Variants in PLXNA2 observed in about 807,000 individuals in gnomAD.
The protein encoded by PLXNA2 is plexin A2.
In PLXNA2, 91 loss-of-function variants were observed where a neutral mutation model predicts 193.5. The ratio of observed to expected loss-of-function variants is 0.47; its 90% CI spans 0.40 to 0.56. The LOEUF is 0.56. PLXNA2 is among the 20% of genes least tolerant of loss of function. PLXNA2 has a pLI of 0.00. For synonymous variants in PLXNA2, 997 were observed against 1,027.3 expected, an observed-to-expected ratio of 0.97 and a Z score of 0.56; for missense variants, 1,995 against 2,503.2, an observed-to-expected ratio of 0.80 and a Z score of 4.33.
rs75752096 is a variant in PLXNA2, at chr1:208,209,901, C to T, written c.1371+379G>A. ...ACCAGTATAATCAAGTTTACAGGTT[C>T]TAGGGAGGGATTTGCGATTTTGGAG... is the stretch of plus-strand genomic sequence containing the variant. On this transcript the variant is annotated intron_variant, in intron 3 of 31. Transcript: ENST00000367033. 2.3e-4 allele frequency: 60 copies of T among 256,612 alleles called. No homozygotes were observed. In the East Asian group the frequency reaches 5.5e-3, roughly 23 times the overall value. 15.9% of individuals were successfully genotyped at this position (256,612 alleles called of 1,614,324 possible).
intron 1 of PLXNA2, chr1:208,230,206 C>T (rs775920914): frequency 3.3e-5 from 5 of 152,152 alleles, no homozygotes; most frequent in Admixed American, 2.0e-4. Flanking sequence ...TGACAAACTC[C>T]GAGGGTTCTG....
chr1:208,028,782 A>C lies in PLXNA2; in HGVS notation c.5438+48T>G. On this transcript the variant is annotated intron_variant, in intron 30 of 31. Coordinates refer to ENST00000367033, the MANE Select transcript of PLXNA2 (RefSeq NM_025179.4). This position sits in a 1 kb window ranked among gnomAD's most constrained non-coding sequence, Gnocchi z 4.2. ...GTCAGTGATGACTATAGAGCGGGGA[A>C]TGGGCAGGGAGACAAGGGCATGGGC... The C allele has an allele frequency of 1.3e-6, 2 of 1,532,176 alleles. No individual in the cohort carries two copies. The highest frequency in any genetic ancestry group is 9.0e-7 in the Non-Finnish European group (1 of 1,113,780). The allele number at this position is 1,532,176 out of a possible 1,614,324, so 94.9% of individuals were successfully genotyped here. A position where few individuals can be genotyped will look rare whatever the true frequency, so the allele number is the denominator to read the frequency against.
chr1:208,127,761 G>A (rs934787055), intron 4 of PLXNA2, among the ~76,000 whole-genome samples: 2 of 152,208 alleles, frequency 1.3e-5, no homozygotes, highest in South Asian at 2.1e-4. Context: ...GAGTAACTCC[G>A]GGGCAGCCAC....
rs548588407 is a variant in PLXNA2, at chr1:208,051,366, C to T, written c.3051G>A (p.Pro1017=). ...GGTCGACACTCACAGAAACAGGGACCGGGCCAAGGCCATTGGATGATGGGG... is the reference window on the plus strand; with the variant it reads ...GGTCGACACTCACAGAAACAGGGACTGGGCCAAGGCCATTGGATGATGGGG... The part of the protein sequence containing the change: ...VSPPSSNGLG[P]VPVSVSVDRA... Residue 1017 remains proline, a synonymous_variant, in exon 16 of 32, where the codon CCG becomes CCA. Transcript: ENST00000367033. The T allele has an allele frequency of 3.9e-5, 63 of 1,612,684 alleles. No individual in the cohort carries two copies. The highest frequency in any genetic ancestry group is 1.4e-4 in the South Asian group (13 of 90,688).
chr1:208,194,460 C>CAAAAAAAAAAAAAAAAAAAAAAAAAAA (rs10522096), intron 3 of PLXNA2, among the ~76,000 whole-genome samples: 1 of 93,988 alleles, frequency 1.1e-5, no homozygotes, highest in Non-Finnish European at 2.2e-5. Flanking sequence ...CAGCTTACTG[C>CAAAAAAAAAAAAAAAAAAAAAAAAAAA]AAAAAAAAAA....
chr1:208,189,721 A>G (rs1186584047), intron 3 of PLXNA2, among the ~76,000 whole-genome samples: 1 of 152,162 alleles, frequency 6.6e-6, no homozygotes, highest in Non-Finnish European at 1.5e-5. Context: ...GATTTACCCA[A>G]TATAATCCTC....
At chr1:208,166,062 C>G (rs1669295011) in intron 3 of PLXNA2, among the ~76,000 whole-genome samples, 1 of 152,206 alleles carries the variant, frequency 6.6e-6, no homozygotes, top group Admixed American at 6.5e-5. Context: ...AAGGGAACCC[C>G]TCCTTCCCCA....
chr1:208,067,372 T>G (rs1019770916), intron 12 of PLXNA2, among the ~76,000 whole-genome samples: 2 of 151,110 alleles, frequency 1.3e-5, no homozygotes, highest in Non-Finnish European at 2.9e-5. Flanking sequence ...TTATAATAAC[T>G]AAGGTTAATT....
At chr1:208,218,428 G>A (rs1212130802) in intron 1 of PLXNA2, among the ~76,000 whole-genome samples, 1 of 152,116 alleles carries the variant, frequency 6.6e-6, no homozygotes, top group Non-Finnish European at 1.5e-5. Context: ...TTGTTAGGCA[G>A]GCCCTCCCCC....
At chr1:208,047,324 C>G (rs1165156024) in intron 17 of PLXNA2, among the ~76,000 whole-genome samples, 1 of 152,252 alleles carries the variant, frequency 6.6e-6, no homozygotes, top group Non-Finnish European at 1.5e-5. Flanking sequence ...TAACCCTGCA[C>G]TGGGACAGAA....
At chr1:208,160,950 A>C (rs1669090242) in intron 3 of PLXNA2, among the ~76,000 whole-genome samples, 1 of 152,232 alleles carries the variant, frequency 6.6e-6, no homozygotes, top group African/African-American at 2.4e-5. Flanking sequence ...GAATCACATC[A>C]GGATTTCCTG....
intron 1 of PLXNA2, among the ~76,000 whole-genome samples, chr1:208,219,946 G>A (rs143889839): frequency 6.6e-5 from 10 of 152,306 alleles, no homozygotes; most frequent in African/African-American, 2.2e-4. Context: ...TCCTGAGGCC[G>A]GTAGCAGGAC....
chr1:208,082,070 G>A lies in PLXNA2; in HGVS notation c.2395+342C>T, dbSNP rs955471905. ...GCCAAGGACAGGGGAACAAGAGCCT[G>A]ACTGGAAACAATATCTCCATTTCCA... is the stretch of plus-strand genomic sequence containing the variant. On this transcript the variant is annotated intron_variant, in intron 11 of 31. Coordinates refer to ENST00000367033, the MANE Select transcript of PLXNA2 (RefSeq NM_025179.4). This position sits in a 1 kb window ranked among gnomAD's most constrained non-coding sequence, Gnocchi z 4.2. Among the ~76,000 whole-genome samples, 5 of 152,204 alleles carry A rather than the reference G, an allele frequency of 3.3e-5. No homozygotes were observed. The highest frequency in any genetic ancestry group is 1.2e-4 in the African/African-American group (5 of 41,442).
intron 4 of PLXNA2, among the ~76,000 whole-genome samples, chr1:208,113,019 A>C (rs944558805): frequency 2.0e-5 from 3 of 151,644 alleles, no homozygotes; most frequent in African/African-American, 7.3e-5. Context: ...AAAAAAAAAA[A>C]AAAAACAGAG....
intron 4 of PLXNA2, among the ~76,000 whole-genome samples, chr1:208,138,415 A>G (rs1023597432): frequency 2.0e-5 from 3 of 152,242 alleles, no homozygotes; most frequent in African/African-American, 4.8e-5. Context: ...TTAAACATGT[A>G]TTTGACTTAC....
chr1:208,143,539 C>G (rs1668518930), intron 3 of PLXNA2, among the ~76,000 whole-genome samples: 1 of 152,188 alleles, frequency 6.6e-6, no homozygotes, highest in African/African-American at 2.4e-5. Context: ...AGCCCTTGGT[C>G]TGAATGTGCC....
intron 9 of PLXNA2, among the ~76,000 whole-genome samples, chr1:208,089,132 ATCTGCCT>A (rs1244588419): frequency 6.6e-6 from 1 of 152,220 alleles, no homozygotes. Context: ...GAATTGGTCC[ATCTGCCT>A]TCTGGAAAGA....
At chr1:208,183,080 C>T (rs938482894) in intron 3 of PLXNA2, among the ~76,000 whole-genome samples, 22 of 152,252 alleles carry the variant, frequency 1.4e-4, no homozygotes, top group Admixed American at 7.8e-4. Context: ...AGGGAAAGTT[C>T]CTCTGGGGCT....
intron 1 of PLXNA2, among the ~76,000 whole-genome samples, chr1:208,219,915 C>T (rs561111403): frequency 6.6e-6 from 1 of 152,346 alleles, no homozygotes; most frequent in Non-Finnish European, 1.5e-5. Flanking sequence ...GTTTGGAAAC[C>T]AGAGGTTATT....
Sources: gnomAD v4.1 joint callset for allele counts (sites outside exome capture counted in the v4.1 genomes callset) on GRCh38, gnomAD v4.1.1 for gene constraint, Gnocchi (gnomAD v3.1) non-coding constraint, MANE v1.5 for transcripts, NCBI Gene and HGNC (gene_info 2026-07-23, HGNC 2026-07-21) for gene names.